The following PLCG2 variants were observed in gnomAD, a reference collection of about 807,000 sequenced individuals.
PLCG2 encodes the protein phospholipase C gamma 2, also known as 1-phosphatidylinositol 4,5-bisphosphate phosphodiesterase gamma-2.
Under a neutral mutation model 175.6 loss-of-function variants are expected in PLCG2, and 69 were observed. The observed-to-expected ratio is 0.39, with a 90% CI of 0.32 to 0.48. PLCG2 has a LOEUF of 0.48. PLCG2 is among the 20% of genes least tolerant of loss of function. The pLI, the probability that PLCG2 is intolerant of heterozygous loss-of-function variation, is 0.91. For missense variants in PLCG2, 1,798 were observed against 1,650.9 expected, an observed-to-expected ratio of 1.09 and a Z score of -1.54; for synonymous variants, 827 against 624.0, an observed-to-expected ratio of 1.33 and a Z score of -4.85.
intron 2 of PLCG2, among the ~76,000 whole-genome samples, chr16:81,764,618 T>A (rs558534173): frequency 6.6e-6 from 1 of 152,348 alleles, no homozygotes; most frequent in Non-Finnish European, 1.5e-5. Flanking sequence ...CCCAGCTGTG[T>A]CAGAGGACTT....
chr16:81,769,737 G>T (rs1178505243), intron 2 of PLCG2, among the ~76,000 whole-genome samples: 4 of 148,764 alleles, frequency 2.7e-5, no homozygotes, highest in African/African-American at 9.9e-5. Context: ...GGAGAATGGC[G>T]TGAACCCGGG....
intron 31 of PLCG2, among the ~76,000 whole-genome samples, chr16:81,956,068 T>TC (rs1911555232): frequency 6.6e-6 from 1 of 152,130 alleles, no homozygotes; most frequent in African/African-American, 2.4e-5. Flanking sequence ...ACTCACTCCA[T>TC]CCCCCAGACC....
intron 2 of PLCG2, among the ~76,000 whole-genome samples, chr16:81,811,562 C>G (rs916990243): frequency 6.6e-6 from 1 of 152,044 alleles, no homozygotes; most frequent in Non-Finnish European, 1.5e-5. Context: ...GTGTTCCCCT[C>G]CCTGTGTGCA....
At chr16:81,813,142 G>A (rs1303034835) in intron 2 of PLCG2, among the ~76,000 whole-genome samples, 2 of 152,178 alleles carry the variant, frequency 1.3e-5, no homozygotes, top group African/African-American at 4.8e-5. Context: ...GCTTAGGGTT[G>A]TCTTGGTTAT....
Position 81,874,948 on chromosome 16 carries a change from G to GTTTTTTTGTTTTTTTGTTCT in PLCG2, c.648+4020_648+4021insGTTTTTTTGTTCTTTTTTTT, listed in dbSNP as rs1907695346. 1.1e-3 allele frequency among the ~76,000 whole-genome samples: 44 copies of GTTTTTTTGTTTTTTTGTTCT among 40,772 alleles called. 5 individuals carry two copies. Among genetic ancestry groups the GTTTTTTTGTTTTTTTGTTCT allele is most frequent in the Admixed American group, 1.6e-3 (5 of 3,130 alleles). 26.7% of individuals were successfully genotyped at this position (40,772 alleles called of 152,430 possible). On this transcript the variant is annotated intron_variant, in intron 7 of 32. Transcript: ENST00000564138. ...CTATTTGCTAGGCACTATCCTATGT[G>GTTTTTTTGTTTTTTTGTTCT]TTTTTTTTTTTTTTTTTTTTTTTTT...
chr16:81,842,441 C>T (rs912352169), intron 2 of PLCG2, among the ~76,000 whole-genome samples: 12 of 152,174 alleles, frequency 7.9e-5, no homozygotes, highest in African/African-American at 2.9e-4. Flanking sequence ...AGTGTGGCAT[C>T]CCTAGCGCTC....
upstream of PLCG2, among the ~76,000 whole-genome samples, chr16:81,778,026 A>AAAAAAAAAAC (rs1910493293): frequency 1.2e-5 from 1 of 83,486 alleles, no homozygotes; most frequent in Non-Finnish European, 2.5e-5. Flanking sequence ...CAAAAAAAAA[A>AAAAAAAAAAC]AAAAACAAAA....
At chr16:81,876,587 C>T (rs1907801587) in intron 7 of PLCG2, among the ~76,000 whole-genome samples, 1 of 152,186 alleles carries the variant, frequency 6.6e-6, no homozygotes, top group African/African-American at 2.4e-5. Flanking sequence ...TTCCCTGTAG[C>T]CTTTTAGCTA....
chr16:81,904,706 T>C (rs1909290900), intron 14 of PLCG2, among the ~76,000 whole-genome samples: 1 of 152,186 alleles, frequency 6.6e-6, no homozygotes, highest in Non-Finnish European at 1.5e-5. Context: ...TGCTAAGTGC[T>C]CTTCTAGCAC....
In PLCG2 at chr16:81,812,479, A is replaced by C. The variant is rs577638112; in HGVS notation, c.193+26297A>C. Among the ~76,000 whole-genome samples the C allele has an allele frequency of 2.0e-5, 3 of 152,350 alleles. No homozygotes were observed. The South Asian group carries it at 6.2e-4, about 32-fold the overall frequency. On this transcript the variant is annotated intron_variant, in intron 2 of 32. Coordinates refer to ENST00000564138, the MANE Select transcript of PLCG2 (RefSeq NM_002661.5). ...TTTCCTACGTTTCTTGGCTGCATAAATGTCTTCTTTTGAGAAGTGTCTGTT... is the reference window on the plus strand; with the variant it reads ...TTTCCTACGTTTCTTGGCTGCATAACTGTCTTCTTTTGAGAAGTGTCTGTT...
At chr16:81,764,225 C>T (rs765124660) in intron 2 of PLCG2, among the ~76,000 whole-genome samples, 12 of 151,922 alleles carry the variant, frequency 7.9e-5, no homozygotes, top group Admixed American at 1.3e-4. Flanking sequence ...CCCAGGAGGT[C>T]GAGGCTGGAG....
chr16:81,895,952 T>G (rs751094376), intron 13 of PLCG2, 25 bp downstream of exon 13: 1 of 1,613,754 alleles, frequency 6.2e-7, no homozygotes, highest in Non-Finnish European at 8.5e-7. Flanking sequence ...TTCTGGGTGG[T>G]GTGACTTAAA....
At chr16:81,936,705 G>A (rs1243909140) in intron 27 of PLCG2, among the ~76,000 whole-genome samples, 1 of 152,248 alleles carries the variant, frequency 6.6e-6, no homozygotes, top group Non-Finnish European at 1.5e-5. Flanking sequence ...CTGTTGCTGT[G>A]TGAGGGCTTT....
chr16:81,935,228 G>T (rs1016500233), intron 26 of PLCG2, among the ~76,000 whole-genome samples: 1 of 152,112 alleles, frequency 6.6e-6, no homozygotes, highest in Non-Finnish European at 1.5e-5. Context: ...GTTTCTGGGG[G>T]CTGCTGGCAT....
intron 22 of PLCG2, 35 bp downstream of exon 22, chr16:81,923,629 T>C (rs1597134850): frequency 7.8e-7 from 1 of 1,281,498 alleles, no homozygotes; most frequent in Non-Finnish European, 1.1e-6. Context: ...GCTCGGCAGG[T>C]GGGCTTGACT....
At chr16:81,855,596 G>T (rs959897587) in intron 3 of PLCG2, among the ~76,000 whole-genome samples, 2 of 152,190 alleles carry the variant, frequency 1.3e-5, no homozygotes, top group Non-Finnish European at 1.5e-5. Context: ...AGATGAATGG[G>T]ACCTGGTGCC....
intron 1 of PLCG2, among the ~76,000 whole-genome samples, chr16:81,752,152 T>G (rs1909825113): frequency 6.6e-6 from 1 of 152,198 alleles, no homozygotes; most frequent in Non-Finnish European, 1.5e-5. Context: ...TGCTGAGTGC[T>G]GGGTGCTGAG....
At position 81,921,266 on chromosome 16, in the gene PLCG2, C is replaced by A. The variant is rs1340499254; in HGVS notation, c.2304C>A (p.Ser768=). The change falls in exon 21 of 33, where the codon TCC becomes TCA. Residue 768 remains serine, a synonymous_variant. Transcript: ENST00000564138. The stretch of plus-strand genomic sequence containing the variant: ...TGGATCCCAGTGAAATCAATCCGTC[C>A]ATGGTACGGTGCCGAACCTCCAATT... ...MYVDPSEINP[S]MPQRTVKALY... 1 of 1,602,142 alleles carries A rather than the reference C, an allele frequency of 6.2e-7. No homozygotes were observed. The highest frequency in any genetic ancestry group is 2.2e-5 in the East Asian group (1 of 44,796).
At chr16:81,898,470 G>T (rs962031855) in intron 13 of PLCG2, 1 of 152,182 alleles carries the variant, frequency 6.6e-6, no homozygotes, top group African/African-American at 2.4e-5. Context: ...CTGGGTCCAC[G>T]CTTCCCAGGA....
Sources: gnomAD v4.1 joint callset for allele counts (sites outside exome capture counted in the v4.1 genomes callset) on GRCh38, gnomAD v4.1.1 for gene constraint, MANE v1.5 for transcripts, NCBI Gene and HGNC (gene_info 2026-07-23, HGNC 2026-07-21) for gene names.